DCC: variants seen among roughly 807,000 people sequenced by gnomAD.
The protein encoded by DCC is DCC netrin 1 receptor.
DCC carries 58 observed loss-of-function variants against 172.5 expected under a neutral mutation model. The ratio of observed to expected loss-of-function variants is 0.34; its 90% confidence interval spans 0.27 to 0.42. The LOEUF is 0.42. Ranked by LOEUF, DCC falls within the 10% of genes least tolerant of loss-of-function variation. The pLI is 1.00. For missense variants in DCC, 1,740 were observed against 1,791.0 expected (o/e 0.97, Z 0.51); for synonymous variants, 709 against 644.5 (o/e 1.10, Z -1.52).
intron 1 of DCC, among the ~76,000 whole-genome samples, chr18:52,665,570 T>C (rs1020590336): frequency 2.0e-5 from 3 of 152,226 alleles, no homozygotes; most frequent in South Asian, 4.1e-4. Flanking sequence ...ACTGTTTAGA[T>C]AATCGGAGCC....
intron 2 of DCC, among the ~76,000 whole-genome samples, chr18:52,803,560 A>AAATG (rs1488227793): frequency 6.6e-6 from 1 of 152,324 alleles, no homozygotes; most frequent in East Asian, 1.9e-4. Flanking sequence ...ACTAGTACCT[A>AAATG]TATATTATAT....
At chr18:53,217,225 C>T (rs894174016) in intron 12 of DCC, among the ~76,000 whole-genome samples, 7 of 150,362 alleles carry the variant, frequency 4.7e-5, no homozygotes, top group East Asian at 3.9e-4. Context: ...TTACTGAAGA[C>T]GGAATTCCTG....
At chr18:52,822,225 T>C (rs1254116516) in intron 2 of DCC, among the ~76,000 whole-genome samples, 2 of 151,830 alleles carry the variant, frequency 1.3e-5, no homozygotes, top group African/African-American at 4.8e-5. Flanking sequence ...AGCAAAAAAG[T>C]GTAAGCCCTA....
intron 5 of DCC, among the ~76,000 whole-genome samples, chr18:53,011,309 T>C (rs2041727741): frequency 6.6e-6 from 1 of 151,724 alleles, no homozygotes. Flanking sequence ...AATTGCTTCA[T>C]TGAATATTTT....
At chr18:53,040,106 AAG>A (rs1192332189) in intron 5 of DCC, among the ~76,000 whole-genome samples, 1 of 152,038 alleles carries the variant, frequency 6.6e-6, no homozygotes, top group Non-Finnish European at 1.5e-5. Context: ...GTGTGAAAAA[AAG>A]AAAAAGTCAA....
At chr18:53,398,551 C>T (rs951170524) in intron 18 of DCC, among the ~76,000 whole-genome samples, 1 of 152,090 alleles carries the variant, frequency 6.6e-6, no homozygotes, top group Non-Finnish European at 1.5e-5. Flanking sequence ...TCTACTCTTC[C>T]TTTTTACTTG....
intron 1 of DCC, among the ~76,000 whole-genome samples, chr18:52,678,180 G>GC (rs766475956): frequency 2.6e-5 from 4 of 151,900 alleles, no homozygotes; most frequent in African/African-American, 4.8e-5. Flanking sequence ...CCCTCAAACT[G>GC]CCCCAGGCTG....
intron 2 of DCC, among the ~76,000 whole-genome samples, chr18:52,779,432 G>A (rs1484584851): frequency 6.6e-6 from 1 of 150,888 alleles, no homozygotes; most frequent in Non-Finnish European, 1.5e-5. Flanking sequence ...GTGTTAGTTT[G>A]CTGAGAATGA....
At chr18:53,475,994 G>T (rs1177630581) in intron 25 of DCC, among the ~76,000 whole-genome samples, 1 of 152,208 alleles carries the variant, frequency 6.6e-6, no homozygotes, top group African/African-American at 2.4e-5. Flanking sequence ...TGGAATCAGA[G>T]GAGATCATTT....
intron 26 of DCC, among the ~76,000 whole-genome samples, chr18:53,498,726 C>T (rs897069522): frequency 6.6e-5 from 10 of 152,180 alleles, no homozygotes; most frequent in African/African-American, 9.7e-5. Context: ...GCAACTTGTT[C>T]TGGCAGAGTC....
chr18:53,066,219 C>A, intron 7 of DCC, 53 bp downstream of exon 7: 1 of 1,574,534 alleles, frequency 6.4e-7, no homozygotes, highest in Non-Finnish European at 8.7e-7. Context: ...TATTCATAGT[C>A]TGTTGGTAAA....
intron 1 of DCC, among the ~76,000 whole-genome samples, chr18:52,417,664 C>T (rs986375034): frequency 2.6e-5 from 4 of 152,250 alleles, no homozygotes; most frequent in Admixed American, 6.5e-5. Context: ...TTGATTGCAT[C>T]GGCTCCTGAG....
intron 1 of DCC, among the ~76,000 whole-genome samples, chr18:52,418,484 C>G (rs918278656): frequency 1.2e-4 from 19 of 152,158 alleles, no homozygotes; most frequent in African/African-American, 4.6e-4. Flanking sequence ...CAATGGCCAA[C>G]TCAAACGAAA....
At chr18:52,608,564 C>G (rs2034185957) in intron 1 of DCC, among the ~76,000 whole-genome samples, 1 of 152,176 alleles carries the variant, frequency 6.6e-6, no homozygotes, top group Non-Finnish European at 1.5e-5. Flanking sequence ...AAAGAGATTA[C>G]TGGAAGTTAA....
chr18:53,018,304 G>A (rs181767389), intron 5 of DCC, among the ~76,000 whole-genome samples: 8 of 152,248 alleles, frequency 5.3e-5, no homozygotes, highest in East Asian at 1.9e-4. Context: ...ATGCTACAGC[G>A]TCAAGCTGTC....
chr18:53,276,295 G>T (rs552090721), intron 12 of DCC, among the ~76,000 whole-genome samples: 2 of 152,160 alleles, frequency 1.3e-5, no homozygotes, highest in African/African-American at 4.8e-5. Flanking sequence ...AATCATCTTT[G>T]TATGGACCTG....
At chr18:53,498,839 T>G (rs112150621) in intron 26 of DCC, among the ~76,000 whole-genome samples, 98 of 152,350 alleles carry the variant, frequency 6.4e-4, no homozygotes, top group Middle Eastern at 3.4e-3. Context: ...CCTCTGAGCA[T>G]CCTGTAACTC....
At chr18:53,047,728 G>A (rs1303126312) in intron 5 of DCC, among the ~76,000 whole-genome samples, 2 of 151,374 alleles carry the variant, frequency 1.3e-5, no homozygotes, top group East Asian at 2.0e-4. Flanking sequence ...CTGAGGCATA[G>A]TCCAGGTAAC....
intron 1 of DCC, among the ~76,000 whole-genome samples, chr18:52,441,745 T>A (rs1191229676): frequency 6.6e-6 from 1 of 152,200 alleles, no homozygotes. Flanking sequence ...CTCTGCCAAC[T>A]AATAGCAAAC....
Sources: allele counts gnomAD v4.1 joint callset (sites outside exome capture counted in the v4.1 genomes callset), GRCh38; gene constraint gnomAD v4.1.1; transcripts MANE v1.5; gene names NCBI Gene and HGNC (gene_info 2026-07-23, HGNC 2026-07-21).